SERPINB11: variants seen among roughly 807,000 people sequenced by gnomAD.
SERPINB11 encodes serpin B11.
Under a neutral mutation model 36.7 loss-of-function variants are expected in SERPINB11, and 32 were observed. That is an observed-to-expected ratio of 0.87 (90% CI 0.66 to 1.17). The LOEUF (loss-of-function observed/expected upper bound fraction) is 1.17. Among genes scored for constraint, SERPINB11 ranks in the 50% most tolerant of loss-of-function variants. SERPINB11 has a pLI of 0.00. For missense variants in SERPINB11, 528 were observed against 458.4 expected, an observed-to-expected ratio of 1.15 and a Z score of -1.39; for synonymous variants, 174 against 168.1, an observed-to-expected ratio of 1.04 and a Z score of -0.27.
intron 4 of SERPINB11, among the ~76,000 whole-genome samples, chr18:63,714,292 A>G (rs1480709564): frequency 3.9e-5 from 6 of 152,184 alleles, no homozygotes; most frequent in African/African-American, 1.4e-4. Context: ...TTCACAAGGC[A>G]ATAAAATATC....
Position 63,712,552 on chromosome 18 carries a change from A to C in SERPINB11, c.229-13A>C, listed in dbSNP as rs1264622685. Reference sequence around the variant, plus strand: ...CAATTTAATACATCATTCTTTGTTTACTGATGCTTCAGTGCAGCCAAGCTG... The same window carrying C: ...CAATTTAATACATCATTCTTTGTTTCCTGATGCTTCAGTGCAGCCAAGCTG... On this transcript the variant is annotated splice_polypyrimidine_tract_variant and intron_variant, in intron 3 of 7. Transcript: ENST00000544088. 2 of 1,613,486 alleles carry C rather than the reference A, an allele frequency of 1.2e-6. No individual in the cohort carries two copies. Among genetic ancestry groups the C allele is most frequent in the Non-Finnish European group, 1.7e-6 (2 of 1,179,528 alleles).
chr18:63,715,126 C>T (rs1411166048), intron 4 of SERPINB11, among the ~76,000 whole-genome samples: 1 of 152,160 alleles, frequency 6.6e-6, no homozygotes, highest in Admixed American at 6.5e-5. Context: ...TTCTTCTACG[C>T]TAGGCACATC....
At chr18:63,715,075 C>A (rs111634066) in intron 4 of SERPINB11, among the ~76,000 whole-genome samples, 10 of 152,226 alleles carry the variant, frequency 6.6e-5, no homozygotes, top group African/African-American at 2.4e-4. Context: ...TCCCTCCGTT[C>A]GGGGTCCCTG....
intron 1 of SERPINB11, among the ~76,000 whole-genome samples, chr18:63,706,120 C>G (rs1414319982): frequency 6.6e-6 from 1 of 152,132 alleles, no homozygotes; most frequent in Non-Finnish European, 1.5e-5. Flanking sequence ...ACTACTGGGT[C>G]CTATTACACT....
At chr18:63,721,439 C>T (rs939356827) in intron 7 of SERPINB11, among the ~76,000 whole-genome samples, 6 of 152,182 alleles carry the variant, frequency 3.9e-5, no homozygotes, top group Non-Finnish European at 8.8e-5. Context: ...GCACCACACA[C>T]ATTAAGAAGT....
intron 5 of SERPINB11, among the ~76,000 whole-genome samples, chr18:63,718,276 CT>C (rs1568187081): frequency 6.6e-6 from 1 of 151,912 alleles, no homozygotes; most frequent in East Asian, 1.9e-4. Context: ...AATCTTGATC[CT>C]TTGTATTTCC....
rs546986469 is a variant in SERPINB11, at chr18:63,720,126, A to G, written c.589A>G (p.Thr197Ala). 5 of 1,608,334 alleles carry G rather than the reference A, an allele frequency of 3.1e-6. No homozygotes were observed. In the Admixed American group the frequency reaches 8.4e-5, roughly 27 times the overall value. ...QWQNKFQVRE[T>A]VKSPFQLSEG... Reference sequence around the variant, plus strand: ...GCAAAATAAATTTCAAGTAAGAGAGACAGTTAAAAGTCCTTTTCAGCTAAG... The same window carrying G: ...GCAAAATAAATTTCAAGTAAGAGAGGCAGTTAAAAGTCCTTTTCAGCTAAG... The change falls in exon 6 of 8, where the codon ACA becomes GCA. Residue 197 changes from threonine (T) to alanine (A), a missense_variant. Transcript: ENST00000544088.
chr18:63,715,414 C>A (rs1914642794), intron 4 of SERPINB11, among the ~76,000 whole-genome samples: 1 of 152,096 alleles, frequency 6.6e-6, no homozygotes, highest in Non-Finnish European at 1.5e-5. Context: ...AGGGTAAGTT[C>A]TTTATACTGA....
intron 7 of SERPINB11, among the ~76,000 whole-genome samples, chr18:63,721,722 G>A (rs1475812302): frequency 2.0e-5 from 3 of 152,146 alleles, no homozygotes; most frequent in Non-Finnish European, 4.4e-5. Flanking sequence ...CAAAGTGTGT[G>A]TGTGTCGGGT....
At chr18:63,709,616 T>TAAATAAAATAAAATAAAATAAAAAA (rs1914464177) in intron 1 of SERPINB11, among the ~76,000 whole-genome samples, 1 of 143,450 alleles carries the variant, frequency 7.0e-6, no homozygotes, top group Non-Finnish European at 1.5e-5. Context: ...GTCTCAAAAA[T>TAAATAAAATAAAATAAAATAAAAAA]AAATAAAATA....
At chr18:63,715,942 T>A in intron 4 of SERPINB11, 93 bp from the exon 5 acceptor site, 1 of 688,952 alleles carries the variant, frequency 1.5e-6, no homozygotes, top group Non-Finnish European at 2.4e-6. Context: ...TGCTTTTTTC[T>A]CTGCATTAGA....
chr18:63,717,974 T>C lies in SERPINB11; in HGVS notation c.475+1822T>C, dbSNP rs1433131433. Among the ~76,000 whole-genome samples the C allele has an allele frequency of 3.3e-5, 5 of 152,218 alleles. No homozygotes were observed. In the East Asian group the frequency reaches 9.6e-4, roughly 29 times the overall value. ...GTTATTTTCTAGAAGTTTTATTGTT[T>C]TATTAAAGTCAGGATTCATTTTAAA... On this transcript the variant is annotated intron_variant, in intron 5 of 7. Coordinates refer to ENST00000544088, the MANE Select transcript of SERPINB11 (RefSeq NM_001370475.1).
At chr18:63,710,473 G>GA (rs1475138122) in intron 2 of SERPINB11, 112 bp downstream of exon 2, 15 of 759,394 alleles carry the variant, frequency 2.0e-5, no homozygotes, top group Admixed American at 1.3e-4. Context: ...TCTTGAGAGA[G>GA]AAAAAACACA....
chr18:63,714,048 G>A (rs369646542), intron 4 of SERPINB11, among the ~76,000 whole-genome samples: 4 of 152,092 alleles, frequency 2.6e-5, no homozygotes, highest in African/African-American at 4.8e-5. Flanking sequence ...GGGGGAACCC[G>A]CCCTGATAAT....
intron 4 of SERPINB11, among the ~76,000 whole-genome samples, chr18:63,714,864 G>A (rs1057508200): frequency 3.9e-5 from 6 of 152,152 alleles, no homozygotes; most frequent in African/African-American, 1.4e-4. Context: ...GGGATTAAGA[G>A]ATTAAAGAAG....
rs373082225 is a variant in SERPINB11 at position 63,723,053 on chromosome 18, T to C, written c.833T>C (p.Met278Thr). The change falls in exon 8 of 8, where the codon ATG becomes ACG. Residue 278 changes from methionine to threonine, a missense_variant. Coordinates refer to ENST00000544088, the MANE Select transcript of SERPINB11 (RefSeq NM_001370475.1). ...FHEWTSSSNM[M>T]EREVEVHLPR... ...GAGTGGACAAGCTCTTCTAACATGA[T>C]GGAAAGAGAAGTTGAAGTACACCTC... 2.7e-5 allele frequency: 43 copies of C among 1,603,778 alleles called. No homozygotes were observed. The African/African-American group carries it at 5.2e-4, about 19-fold the overall frequency.
At chr18:63,715,056 G>T (rs1190379742) in intron 4 of SERPINB11, among the ~76,000 whole-genome samples, 2 of 152,156 alleles carry the variant, frequency 1.3e-5, no homozygotes, top group Non-Finnish European at 2.9e-5. Context: ...CACGGCTTCA[G>T]CAGGTCAGTC....
chr18:63,713,189 T>C (rs1914573157), intron 4 of SERPINB11, among the ~76,000 whole-genome samples: 1 of 152,190 alleles, frequency 6.6e-6, no homozygotes, highest in Non-Finnish European at 1.5e-5. Context: ...ATTTATGCCC[T>C]TTCCCAACAC....
rs371694900 is a variant in SERPINB11, at chr18:63,723,320, C to A, written c.1100C>A (p.Ala367Glu). ...CTACCAATGAGAGCTCAGTTCAAGGCGAACCACCCCTTCCTTTTCTTTATA... is the reference window on the plus strand; with the variant it reads ...CTACCAATGAGAGCTCAGTTCAAGGAGAACCACCCCTTCCTTTTCTTTATA... ...KSLPMRAQFKANHPFLFFIRH... is the reference protein window; with the variant it reads ...KSLPMRAQFKENHPFLFFIRH... Residue 367 changes from alanine (A) to glutamate (E), a missense_variant, in exon 8 of 8, where the codon GCG becomes GAG. Physicochemically the swap from Ala to Glu is moderately radical, Grantham distance 107. Coordinates refer to ENST00000544088, the MANE Select transcript of SERPINB11 (RefSeq NM_001370475.1). 2.5e-6 allele frequency: 4 copies of A among 1,613,766 alleles called. No homozygotes were observed. Among genetic ancestry groups the A allele is most frequent in the African/African-American group, 2.7e-5 (2 of 74,904 alleles).
Sources: gnomAD v4.1 joint callset for allele counts (sites outside exome capture counted in the v4.1 genomes callset) on GRCh38, gnomAD v4.1.1 for gene constraint, MANE v1.5 for transcripts, NCBI Gene and HGNC (gene_info 2026-07-23, HGNC 2026-07-21) for gene names.